Variants in ADGRB3 observed in about 807,000 individuals in gnomAD.
ADGRB3 encodes adhesion G protein-coupled receptor B3.
In ADGRB3, 37 loss-of-function variants were observed where a neutral mutation model predicts 193.4. The observed-to-expected ratio is 0.19, with a 90% CI of 0.15 to 0.25. The LOEUF (loss-of-function observed/expected upper bound fraction) is 0.25, where lower values mean the gene tolerates loss of function less well. ADGRB3 is among the 10% of genes least tolerant of loss of function. ADGRB3 has a pLI of 1.00. For missense variants in ADGRB3, 1,637 were observed against 1,852.9 expected (o/e 0.88, Z 2.14); for synonymous variants, 690 against 644.2 (o/e 1.07, Z -1.08).
chr6:69,063,213 A>G (rs1212477535), intron 16 of ADGRB3, among the ~76,000 whole-genome samples, 177 bp downstream of exon 16: 1 of 152,030 alleles, frequency 6.6e-6, no homozygotes, highest in Non-Finnish European at 1.5e-5. Context: ...TTTTTTCATG[A>G]TAAAATTCTC....
At chr6:69,315,130 CAG>C (rs1204131086) in intron 20 of ADGRB3, among the ~76,000 whole-genome samples, 2 of 151,330 alleles carry the variant, frequency 1.3e-5, no homozygotes, top group Non-Finnish European at 3.0e-5. Flanking sequence ...AAAAGAATAA[CAG>C]TACTGTTAAA....
chr6:68,782,795 C>G (rs913141105), intron 3 of ADGRB3, among the ~76,000 whole-genome samples: 4 of 151,844 alleles, frequency 2.6e-5, no homozygotes, highest in Non-Finnish European at 1.5e-5. Context: ...CTGTTCATAT[C>G]CTTCGCCCAC....
chr6:68,967,669 G>A (rs1406115605), intron 8 of ADGRB3, among the ~76,000 whole-genome samples: 4 of 150,622 alleles, frequency 2.7e-5, no homozygotes, highest in South Asian at 4.2e-4. Context: ...CATTCTCTGC[G>A]ATCTTAAGAA....
chr6:68,865,503 C>A (rs1765272157), intron 3 of ADGRB3, among the ~76,000 whole-genome samples: 1 of 152,082 alleles, frequency 6.6e-6, no homozygotes, highest in Admixed American at 6.6e-5. Context: ...CCTGTGGGAT[C>A]TTCCTGCTCA....
chr6:68,888,607 T>C (rs1002709056), intron 3 of ADGRB3, among the ~76,000 whole-genome samples: 2 of 151,292 alleles, frequency 1.3e-5, no homozygotes, highest in East Asian at 3.9e-4. Context: ...AGCTACCTTC[T>C]AATGAAAGAG....
chr6:68,960,518 C>A (rs532976168), intron 8 of ADGRB3, among the ~76,000 whole-genome samples: 1 of 152,072 alleles, frequency 6.6e-6, no homozygotes, highest in Non-Finnish European at 1.5e-5. Flanking sequence ...ACCCTGCTTA[C>A]GAAAAATGTG....
At chr6:69,031,864 C>T (rs1338990569) in intron 13 of ADGRB3, among the ~76,000 whole-genome samples, 2 of 151,946 alleles carry the variant, frequency 1.3e-5, no homozygotes, top group African/African-American at 4.8e-5. Context: ...AACTCCTGGA[C>T]TCAAGAGATC....
At chr6:68,768,069 T>C (rs908617888) in intron 3 of ADGRB3, among the ~76,000 whole-genome samples, 1 of 152,158 alleles carries the variant, frequency 6.6e-6, no homozygotes, top group Non-Finnish European at 1.5e-5. Context: ...AAACATTCTA[T>C]TCTCATGCAT....
At chr6:68,826,939 C>T (rs904299435) in intron 3 of ADGRB3, among the ~76,000 whole-genome samples, 6 of 152,068 alleles carry the variant, frequency 3.9e-5, no homozygotes, top group Admixed American at 1.3e-4. Flanking sequence ...TTGGAGATGC[C>T]TATTAAACAT....
intron 31 of ADGRB3, among the ~76,000 whole-genome samples, chr6:69,383,455 C>T (rs929114828): frequency 2.6e-5 from 4 of 151,978 alleles, no homozygotes; most frequent in Admixed American, 2.6e-4. Context: ...CATTCATTTA[C>T]ATTATTATAA....
At chr6:68,956,562 G>C (rs1768082070) in intron 7 of ADGRB3, 83 bp from the exon 8 acceptor site, 1 of 1,514,216 alleles carries the variant, frequency 6.6e-7, no homozygotes. Flanking sequence ...AAAATGGAAG[G>C]GGTAGTAACA....
chr6:68,982,565 A>G (rs1448622314), intron 10 of ADGRB3, among the ~76,000 whole-genome samples: 1 of 152,198 alleles, frequency 6.6e-6, no homozygotes, highest in African/African-American at 2.4e-5. Flanking sequence ...AAGCAACTTC[A>G]AAATCTATCA....
At chr6:68,761,266 T>C (rs549738172) in intron 3 of ADGRB3, among the ~76,000 whole-genome samples, 24 of 152,344 alleles carry the variant, frequency 1.6e-4, no homozygotes, top group Non-Finnish European at 3.1e-4. Flanking sequence ...ATGTAGACAG[T>C]GCCCTAAATA....
chr6:68,994,040 G>T (rs533160784), intron 11 of ADGRB3, 78 bp downstream of exon 11: 1 of 1,403,822 alleles, frequency 7.1e-7, no homozygotes, highest in Non-Finnish European at 9.8e-7. Context: ...CAGTGCAGCC[G>T]TCTTGGAGGC....
chr6:69,044,749 AGT>A (rs905154364), intron 13 of ADGRB3, among the ~76,000 whole-genome samples: 1 of 152,242 alleles, frequency 6.6e-6, no homozygotes, highest in Non-Finnish European at 1.5e-5. Flanking sequence ...AATCAAATCA[AGT>A]GTTGTAATGA....
rs906093087 is a variant in ADGRB3 at position 68,639,446 on chromosome 6, A to C, written c.757+14A>C. 1.9e-6 allele frequency: 3 copies of C among 1,587,944 alleles called. No individual in the cohort carries two copies. The Admixed American group carries it at 5.3e-5, about 28-fold the overall frequency. ...CACCCAAAGAAGGTAAGTGCCAAAG[A>C]GAGGGGAAGGTGAGCGGGGGAGCAC... On this transcript the variant is annotated intron_variant, in intron 3 of 31. Coordinates refer to ENST00000370598, the MANE Select transcript of ADGRB3 (RefSeq NM_001704.3).
chr6:69,109,844 A>G (rs1773319365), intron 17 of ADGRB3, among the ~76,000 whole-genome samples: 1 of 152,148 alleles, frequency 6.6e-6, no homozygotes, highest in Non-Finnish European at 1.5e-5. Context: ...ATATTTTGAG[A>G]AATTTCTGTT....
rs1332805019 is a variant in ADGRB3 at position 68,975,214 on chromosome 6, C to G, written c.1628-20C>G. 2 of 1,598,608 alleles carry G rather than the reference C, an allele frequency of 1.3e-6. No homozygotes were observed. The highest frequency in any genetic ancestry group is 2.2e-5 in the East Asian group (1 of 44,744). On this transcript the variant is annotated intron_variant, in intron 9 of 31. Transcript: ENST00000370598. The stretch of plus-strand genomic sequence containing the variant: ...AACATCCCTATTATAAAGCTTCTCT[C>G]TGTTCTTTGTGACACACAGGCACCA...
intron 20 of ADGRB3, among the ~76,000 whole-genome samples, chr6:69,258,199 G>GC (rs60391694): frequency 0.32 from 48,500 of 151,920 alleles, 8,160 homozygotes; most frequent in African/African-American, 0.38. Context: ...TATAAGAAAA[G>GC]AAAAAAATTC....
Sources: gnomAD v4.1 joint callset for allele counts (sites outside exome capture counted in the v4.1 genomes callset) on GRCh38, gnomAD v4.1.1 for gene constraint, MANE v1.5 for transcripts, NCBI Gene and HGNC (gene_info 2026-07-23, HGNC 2026-07-21) for gene names.